The following MFGE8 variants were observed in gnomAD, a reference collection of about 807,000 sequenced individuals.
MFGE8 encodes milk fat globule EGF and factor V/VIII domain containing, also known as lactadherin.
A neutral mutation model predicts 42.6 loss-of-function variants in MFGE8; 34 were observed. The ratio of observed to expected loss-of-function variants is 0.80; its 90% CI spans 0.61 to 1.06. MFGE8 has a LOEUF of 1.06. Ranked by LOEUF, MFGE8 falls within the 50% of genes least tolerant of loss-of-function variation. MFGE8 has a pLI of 0.00. For missense variants in MFGE8, 510 were observed against 516.9 expected (o/e 0.99, Z 0.13); for synonymous variants, 230 against 214.8 (o/e 1.07, Z -0.62).
In MFGE8 at chr15:88,913,229, G is replaced by A; in HGVS notation, c.73+18C>T. 6.7e-7 allele frequency: 1 copy of A among 1,500,824 alleles called. No homozygotes were observed. Among genetic ancestry groups the A allele is most frequent in the Non-Finnish European group, 8.8e-7 (1 of 1,131,752 alleles). The allele number at this position is 1,500,824 out of a possible 1,614,324, so 93.0% of individuals were successfully genotyped here. On this transcript the variant is annotated intron_variant, in intron 1 of 7. Transcript: ENST00000268150. ...GGGGAGGAGGGGCGAGGGGCAGAGGGCGGCGCGATCCACTCACCCAGGGCG... is the reference window on the plus strand; with the variant it reads ...GGGGAGGAGGGGCGAGGGGCAGAGGACGGCGCGATCCACTCACCCAGGGCG...
In MFGE8 at chr15:88,907,201, C is replaced by G; in HGVS notation, c.381G>C (p.Trp127Cys). 1.2e-6 allele frequency: 2 copies of G among 1,613,350 alleles called. No homozygotes were observed. The highest frequency in any genetic ancestry group is 1.7e-6 in the Non-Finnish European group (2 of 1,179,728). Residue 127 changes from tryptophan (W) to cysteine (C), a missense_variant, in exon 3 of 8, where the codon TGG (tryptophan) becomes TGC (cysteine). By Grantham distance (215) the Trp-to-Cys change is radical. Coordinates refer to ENST00000268150, the MANE Select transcript of MFGE8 (RefSeq NM_005928.4). ...GGGCCATCCCCAGGCATACCTGGATCCAGGGGTTATCGTCATTGCTGCTGG... is the reference window on the plus strand; with the variant it reads ...GGGCCATCCCCAGGCATACCTGGATGCAGGGGTTATCGTCATTGCTGCTGG... ...WTPSSNDDNP[W>C]IQVNLLRRMW... is the part of the protein sequence containing the mutation.
chr15:88,909,523 T>A (rs1898855850), intron 2 of MFGE8, among the ~76,000 whole-genome samples: 1 of 152,188 alleles, frequency 6.6e-6, no homozygotes. Flanking sequence ...CCACAACCCC[T>A]CACTCCTCTG....
At position 88,901,585 on chromosome 15, in the gene MFGE8, A is replaced by G. The variant is rs146550889; in HGVS notation, c.836T>C (p.Val279Ala). The change falls in exon 6 of 8, where the codon GTT (valine) becomes GCT (alanine). Residue 279 changes from valine (V) to alanine (A), a missense_variant. Transcript: ENST00000268150. ...CTGATCGTTACCGTAGCTCCCCGCAACCCAGGCGTTGAAGTTGCCCTGCTT... is the reference window on the plus strand; with the variant it reads ...CTGATCGTTACCGTAGCTCCCCGCAGCCCAGGCGTTGAAGTTGCCCTGCTT... ...LDKQGNFNAW[V>A]AGSYGNDQWL... is the part of the protein sequence containing the mutation. 2 of 1,611,146 alleles carry G rather than the reference A, an allele frequency of 1.2e-6. No homozygotes were observed. The highest frequency in any genetic ancestry group is 1.7e-6 in the Non-Finnish European group (2 of 1,178,412).
In MFGE8 at chr15:88,905,951, C is replaced by T. The variant is rs1898656712; in HGVS notation, c.541-50G>A. ...AGAAGGGGGTCCATCTGAGCAGTCC[C>T]CCTCCCTGGGGTTACCTCATCTTCC... On this transcript the variant is annotated intron_variant, in intron 4 of 7. Coordinates refer to ENST00000268150, the MANE Select transcript of MFGE8 (RefSeq NM_005928.4). The surrounding 1 kb of genome is among the most constrained non-coding windows in gnomAD (Gnocchi z 6.6). The T allele has an allele frequency of 9.9e-6, 16 of 1,610,178 alleles. No individual in the cohort carries two copies. Among genetic ancestry groups the T allele is most frequent in the Non-Finnish European group, 1.0e-5 (12 of 1,176,752 alleles).
chr15:88,913,304 G>C lies in MFGE8; in HGVS notation c.16C>G (p.Leu6Val). 1.4e-6 allele frequency: 2 copies of C among 1,466,388 alleles called. No individual in the cohort carries two copies. Among genetic ancestry groups the C allele is most frequent in the Non-Finnish European group, 1.8e-6 (2 of 1,118,938 alleles). 90.8% of individuals were successfully genotyped at this position (1,466,388 alleles called of 1,614,324 possible). A position where few individuals can be genotyped will look rare whatever the true frequency, so the allele number is the denominator to read the frequency against. The part of the protein sequence containing the change: MPRPR[L>V]LAALCGALLC... ...AGCGCGCCGCACAGCGCGGCCAGCA[G>C]GCGGGGGCGCGGCATGCTGCGGGGA... Residue 6 changes from leucine to valine, a missense_variant, in exon 1 of 8, where the codon CTG becomes GTG. Physicochemically the swap from Leu to Val is conservative, Grantham distance 32. Transcript: ENST00000268150.
rs545564560 is a variant in MFGE8, at chr15:88,899,197, G to A, written c.*198C>T. On this transcript the variant is annotated 3_prime_UTR_variant, in exon 8 of 8. Coordinates refer to ENST00000268150, the MANE Select transcript of MFGE8 (RefSeq NM_005928.4). This position sits in a 1 kb window ranked among gnomAD's most constrained non-coding sequence, Gnocchi z 6.8. ...CAGTGAGGACTGGGGGTTAGGGGAC[G>A]GGGCTTAGGGGCTGGGGCAGGGCCC... 1.2e-4 allele frequency: 83 copies of A among 689,134 alleles called. 1 individual carries two copies. The highest frequency in any genetic ancestry group is 2.0e-4 in the African/African-American group (11 of 56,180). 42.7% of individuals were successfully genotyped at this position (689,134 alleles called of 1,614,324 possible). A position where few individuals can be genotyped will look rare whatever the true frequency, so the allele number is the denominator to read the frequency against.
chr15:88,901,078 TACACATTCAC>T (rs757105621), intron 6 of MFGE8, among the ~76,000 whole-genome samples: 974 of 60,678 alleles, frequency 0.016, 188 homozygotes, highest in Non-Finnish European at 0.025. Context: ...CACATTCACA[TACACATTCAC>T]ACACATTCAC....
intron 1 of MFGE8, chr15:88,912,186 A>C (rs1188347808): frequency 7.8e-7 from 1 of 1,289,798 alleles, no homozygotes; most frequent in Admixed American, 2.3e-5. Flanking sequence ...CCTGTATAAA[A>C]ACATCTTTGG....
At position 88,906,532 on chromosome 15, in the gene MFGE8, A is replaced by T. The variant is rs1898683442; in HGVS notation, c.540+94T>A. The T allele has an allele frequency of 2.8e-6, 4 of 1,450,320 alleles. No individual in the cohort carries two copies. Among genetic ancestry groups the T allele is most frequent in the African/African-American group, 2.8e-5 (2 of 71,466 alleles). 89.8% of individuals were successfully genotyped at this position (1,450,320 alleles called of 1,614,324 possible). A position where few individuals can be genotyped will look rare whatever the true frequency, so the allele number is the denominator to read the frequency against. ...AGACCCACATCATAGCCAATCACCTAGGGTTCTCTGGACTCGCTGGGGGTC... is the reference window on the plus strand; with the variant it reads ...AGACCCACATCATAGCCAATCACCTTGGGTTCTCTGGACTCGCTGGGGGTC... On this transcript the variant is annotated intron_variant, in intron 4 of 7. Coordinates refer to ENST00000268150, the MANE Select transcript of MFGE8 (RefSeq NM_005928.4). The surrounding 1 kb of genome is among the most constrained non-coding windows in gnomAD (Gnocchi z 4.2).
intron 1 of MFGE8, chr15:88,910,575 A>G (rs1299600205): frequency 6.1e-6 from 1 of 162,642 alleles, no homozygotes; most frequent in Non-Finnish European, 1.3e-5. Flanking sequence ...AGATTGCCCA[A>G]CGCTCCAGAA....
In MFGE8 at chr15:88,899,593, G is replaced by A; in HGVS notation, c.1027-61C>T. 1 of 1,614,146 alleles carries A rather than the reference G, an allele frequency of 6.2e-7. No homozygotes were observed. The highest frequency in any genetic ancestry group is 1.1e-5 in the South Asian group (1 of 91,078). ...CAGCCCCCCTCCCCTCAGAGCCCCA[G>A]GCCAGACTCCCAGGGAAGTAATGAA... is the stretch of plus-strand genomic sequence containing the variant. On this transcript the variant is annotated intron_variant, in intron 7 of 7. Transcript: ENST00000268150. The surrounding 1 kb of genome is among the most constrained non-coding windows in gnomAD (Gnocchi z 6.8).
intron 1 of MFGE8, chr15:88,912,798 A>G (rs758035604): frequency 1.7e-5 from 17 of 985,248 alleles, no homozygotes; most frequent in Admixed American, 6.1e-5. Flanking sequence ...CAAAAATCCA[A>G]TGAACTGTCC....
intron 2 of MFGE8, among the ~76,000 whole-genome samples, chr15:88,907,809 C>A (rs904575200): frequency 2.6e-5 from 4 of 152,062 alleles, no homozygotes; most frequent in African/African-American, 9.7e-5. Context: ...ACCGGTGTGA[C>A]CCCCTCTTCC....
In MFGE8 at chr15:88,899,623, T is replaced by C; in HGVS notation, c.1026+33A>G. On this transcript the variant is annotated intron_variant, in intron 7 of 7. Coordinates refer to ENST00000268150, the MANE Select transcript of MFGE8 (RefSeq NM_005928.4). This position sits in a 1 kb window ranked among gnomAD's most constrained non-coding sequence, Gnocchi z 6.8. ...GACTCCCAGGGAAGTAATGAAGGAA[T>C]GGCAAAGGGTGGGCAGCTGGACAGA... The C allele has an allele frequency of 6.2e-7, 1 of 1,614,124 alleles. No homozygotes were observed. The highest frequency in any genetic ancestry group is 8.5e-7 in the Non-Finnish European group (1 of 1,180,000).
At chr15:88,911,654 C>G (rs188267645) in intron 1 of MFGE8, among the ~76,000 whole-genome samples, 1 of 151,714 alleles carries the variant, frequency 6.6e-6, no homozygotes, top group Non-Finnish European at 1.5e-5. Flanking sequence ...ATGAACCCAG[C>G]GGGCGAAGCT....
Position 88,906,503 on chromosome 15 carries a change from C to T in MFGE8, c.540+123G>A. The T allele has an allele frequency of 8.7e-7, 1 of 1,153,908 alleles. No homozygotes were observed. Among genetic ancestry groups the T allele is most frequent in the Non-Finnish European group, 1.3e-6 (1 of 766,800 alleles). 71.5% of individuals were successfully genotyped at this position (1,153,908 alleles called of 1,614,324 possible). A position where few individuals can be genotyped will look rare whatever the true frequency, so the allele number is the denominator to read the frequency against. ...CCAATTTCTAGAAGCCAAGATGCAC[C>T]CGAAGACCCACATCATAGCCAATCA... On this transcript the variant is annotated intron_variant, in intron 4 of 7. Transcript: ENST00000268150. This position sits in a 1 kb window ranked among gnomAD's most constrained non-coding sequence, Gnocchi z 4.2.
At chr15:88,907,768 T>C (rs1244221609) in intron 2 of MFGE8, among the ~76,000 whole-genome samples, 1 of 151,930 alleles carries the variant, frequency 6.6e-6, no homozygotes, top group Non-Finnish European at 1.5e-5. Flanking sequence ...GCAATCAGTC[T>C]GGTGCAGGGG....
chr15:88,906,582 G>C lies in MFGE8; in HGVS notation c.540+44C>G, dbSNP rs773305257. The C allele has an allele frequency of 6.2e-7, 1 of 1,611,352 alleles. No individual in the cohort carries two copies. Among genetic ancestry groups the C allele is most frequent in the Non-Finnish European group, 8.5e-7 (1 of 1,178,036 alleles). On this transcript the variant is annotated intron_variant, in intron 4 of 7. Coordinates refer to ENST00000268150, the MANE Select transcript of MFGE8 (RefSeq NM_005928.4). This position sits in a 1 kb window ranked among gnomAD's most constrained non-coding sequence, Gnocchi z 4.2. Reference sequence around the variant, plus strand: ...CCTCAGTCAATGCTAGAACCTTAGGGGGTATGGACCACAGCCCTTCTTTCG... The same window carrying C: ...CCTCAGTCAATGCTAGAACCTTAGGCGGTATGGACCACAGCCCTTCTTTCG...
rs1567218454 is a variant in MFGE8 at position 88,905,540 on chromosome 15, C to T, written c.685+217G>A. The T allele has an allele frequency of 4.2e-6, 3 of 706,442 alleles. No homozygotes were observed. Among genetic ancestry groups the T allele is most frequent in the Non-Finnish European group, 5.1e-6 (2 of 390,718 alleles). The allele number at this position is 706,442 out of a possible 1,614,324, so 43.8% of individuals were successfully genotyped here. A position where few individuals can be genotyped will look rare whatever the true frequency, so the allele number is the denominator to read the frequency against. On this transcript the variant is annotated intron_variant, in intron 5 of 7. Coordinates refer to ENST00000268150, the MANE Select transcript of MFGE8 (RefSeq NM_005928.4). The surrounding 1 kb of genome is among the most constrained non-coding windows in gnomAD (Gnocchi z 6.6). ...AACTGATGTCTTTTTCTCTATCAAT[C>T]AGAATGCCCTGGGTCATGGGTTGGC... is the stretch of plus-strand genomic sequence containing the variant.
Sources: gnomAD v4.1 joint callset for allele counts (sites outside exome capture counted in the v4.1 genomes callset) on GRCh38, gnomAD v4.1.1 for gene constraint, Gnocchi (gnomAD v3.1) non-coding constraint, MANE v1.5 for transcripts, NCBI Gene and HGNC (gene_info 2026-07-23, HGNC 2026-07-21) for gene names.